Variants in ARFGEF3 observed in about 807,000 individuals in gnomAD.
The protein encoded by ARFGEF3 is brefeldin A-inhibited guanine nucleotide-exchange protein 3.
A neutral mutation model predicts 221.7 loss-of-function variants in ARFGEF3; 96 were observed. The observed-to-expected ratio is 0.43, with a 90% CI of 0.37 to 0.51. The LOEUF (loss-of-function observed/expected upper bound fraction) is 0.51. Ranked by LOEUF, ARFGEF3 falls within the 20% of genes least tolerant of loss-of-function variation. The pLI is 0.00. For missense variants in ARFGEF3, 2,410 were observed against 2,789.9 expected (o/e 0.86, Z 3.07); for synonymous variants, 1,145 against 1,126.8 (o/e 1.02, Z -0.32).
chr6:138,302,776 T>C (rs1198511685), intron 22 of ARFGEF3, among the ~76,000 whole-genome samples: 2 of 152,172 alleles, frequency 1.3e-5, no homozygotes, highest in Non-Finnish European at 2.9e-5. Context: ...AAACTGTCAA[T>C]GGATAATCCT....
intron 12 of ARFGEF3, among the ~76,000 whole-genome samples, chr6:138,274,452 A>G (rs1164199583): frequency 6.6e-6 from 1 of 152,178 alleles, no homozygotes; most frequent in Non-Finnish European, 1.5e-5. Flanking sequence ...CTCATGTTCT[A>G]ACCAAGGATG....
In ARFGEF3 at chr6:138,192,472, G is replaced by A. The variant is rs377334765; in HGVS notation, c.138-14570G>A. 3.3e-5 allele frequency among the ~76,000 whole-genome samples: 5 copies of A among 150,928 alleles called. No individual in the cohort carries two copies. The East Asian group carries it at 5.9e-4, about 18-fold the overall frequency. ...ATTGCACTCCAGCCTGGGCAACAGA[G>A]CAAAAACTCTGTCTCAAAAAAAAAC... On this transcript the variant is annotated intron_variant, in intron 2 of 33. Coordinates refer to ENST00000251691, the MANE Select transcript of ARFGEF3 (RefSeq NM_020340.5).
In ARFGEF3 at chr6:138,336,849, T is replaced by C. The variant is rs1266855430; in HGVS notation, c.*363T>C. 6.3e-6 allele frequency: 1 copy of C among 158,150 alleles called. No individual in the cohort carries two copies. Among genetic ancestry groups the C allele is most frequent in the Non-Finnish European group, 1.4e-5 (1 of 72,212 alleles). The allele number at this position is 158,150 out of a possible 1,614,324, so 9.8% of individuals were successfully genotyped here. A position where few individuals can be genotyped will look rare whatever the true frequency, so the allele number is the denominator to read the frequency against. ...GAAAACACTATATTGATCCATTTGA[T>C]CCATCATTTAAAAAATAAATACAAT... On this transcript the variant is annotated 3_prime_UTR_variant, in exon 34 of 34. Coordinates refer to ENST00000251691, the MANE Select transcript of ARFGEF3 (RefSeq NM_020340.5).
chr6:138,270,427 GAC>G (rs3044804), intron 12 of ARFGEF3, among the ~76,000 whole-genome samples: 34,657 of 139,248 alleles, frequency 0.25, 4,347 homozygotes, highest in South Asian at 0.4. Context: ...ATTTTACGTA[GAC>G]ACACACACAC....
At chr6:138,265,781 G>A (rs1486369059) in intron 12 of ARFGEF3, among the ~76,000 whole-genome samples, 5 of 152,122 alleles carry the variant, frequency 3.3e-5, no homozygotes, top group African/African-American at 1.2e-4. Flanking sequence ...AATTGATGAA[G>A]TTGTACTTCG....
At chr6:138,189,971 GTACC>G (rs1777264875) in intron 2 of ARFGEF3, among the ~76,000 whole-genome samples, 1 of 151,542 alleles carries the variant, frequency 6.6e-6, no homozygotes, top group South Asian at 2.1e-4. Flanking sequence ...GTAGTCTCAG[GTACC>G]TGGGAGACTG....
chr6:138,203,179 T>C (rs563520366), intron 2 of ARFGEF3, among the ~76,000 whole-genome samples: 1 of 151,118 alleles, frequency 6.6e-6, no homozygotes, highest in African/African-American at 2.5e-5. Context: ...TGTGTGTGTT[T>C]AAGAACTAAA....
intron 32 of ARFGEF3, among the ~76,000 whole-genome samples, chr6:138,333,065 C>T (rs1019781351): frequency 5.3e-5 from 8 of 152,298 alleles, no homozygotes; most frequent in Non-Finnish European, 8.8e-5. Flanking sequence ...TATAATTATC[C>T]AGTTTGGGGC....
intron 8 of ARFGEF3, among the ~76,000 whole-genome samples, chr6:138,250,793 A>G (rs763587222): frequency 5.9e-5 from 9 of 152,224 alleles, no homozygotes; most frequent in Admixed American, 1.3e-4. Context: ...AAGCCTGCCA[A>G]CCATGAAATG....
intron 1 of ARFGEF3, among the ~76,000 whole-genome samples, chr6:138,167,328 G>T (rs907588117): frequency 6.6e-6 from 1 of 152,214 alleles, no homozygotes; most frequent in African/African-American, 2.4e-5. Flanking sequence ...TTCTGAGAAT[G>T]TGATGCCCGT....
intron 23 of ARFGEF3, 114 bp from the exon 24 acceptor site, chr6:138,308,625 A>G (rs1296264969): frequency 8.6e-7 from 1 of 1,160,750 alleles, no homozygotes; most frequent in Non-Finnish European, 1.3e-6. Context: ...GCATCTCCCC[A>G]GTAGATCTTT....
chr6:138,220,305 T>C (rs1777959746), intron 4 of ARFGEF3, among the ~76,000 whole-genome samples: 1 of 152,238 alleles, frequency 6.6e-6, no homozygotes. Context: ...AGCCAACCTA[T>C]TTCTTGCTTT....
chr6:138,267,079 T>A (rs75524347), intron 12 of ARFGEF3, among the ~76,000 whole-genome samples: 7,095 of 152,180 alleles, frequency 0.047, 226 homozygotes, highest in South Asian at 0.068. Flanking sequence ...AGAATAGCTG[T>A]GTATTAGAGT....
At chr6:138,272,044 G>T (rs1425990404) in intron 12 of ARFGEF3, among the ~76,000 whole-genome samples, 1 of 152,174 alleles carries the variant, frequency 6.6e-6, no homozygotes, top group African/African-American at 2.4e-5. Context: ...TGATAGACTT[G>T]AAAATACCAG....
intron 2 of ARFGEF3, among the ~76,000 whole-genome samples, chr6:138,176,128 T>A (rs1368093489): frequency 6.6e-6 from 1 of 152,184 alleles, no homozygotes; most frequent in African/African-American, 2.4e-5. Flanking sequence ...AGTCTACACA[T>A]GTCTCTACAA....
intron 31 of ARFGEF3, among the ~76,000 whole-genome samples, chr6:138,325,883 C>T (rs145236361): frequency 1.2e-4 from 18 of 152,162 alleles, no homozygotes; most frequent in African/African-American, 3.4e-4. Flanking sequence ...TTTTTTGAGA[C>T]TTGCTCTATC....
In ARFGEF3 at chr6:138,262,812, G is replaced by C. The variant is rs267600841; in HGVS notation, c.1329G>C (p.Gly443=). ...LLGALDELSQ[G]KGLSEGQVQL... is the part of the protein sequence containing the mutation. ...GTGCCCTGGATGAGCTCAGCCAGGGGAAGGGCTTGAGCGAAGGTCAGGTGC... is the reference window on the plus strand; with the variant it reads ...GTGCCCTGGATGAGCTCAGCCAGGGCAAGGGCTTGAGCGAAGGTCAGGTGC... Residue 443 remains glycine, a synonymous_variant, in exon 12 of 34, where the codon GGG becomes GGC. Coordinates refer to ENST00000251691, the MANE Select transcript of ARFGEF3 (RefSeq NM_020340.5). 2.5e-6 allele frequency: 4 copies of C among 1,614,054 alleles called. No homozygotes were observed. Among genetic ancestry groups the C allele is most frequent in the Non-Finnish European group, 2.5e-6 (3 of 1,179,906 alleles).
Position 138,182,340 on chromosome 6 carries a change from C to T in ARFGEF3, c.137+11627C>T, listed in dbSNP as rs77553113. ...CAATTAAATTTTGTGCAGTAAATCA[C>T]TTGATGAAGCACCATTGTTGAAAAA... On this transcript the variant is annotated intron_variant, in intron 2 of 33. Coordinates refer to ENST00000251691, the MANE Select transcript of ARFGEF3 (RefSeq NM_020340.5). 2.2e-3 allele frequency among the ~76,000 whole-genome samples: 338 copies of T among 152,274 alleles called. 1 individual carries two copies. The highest frequency in any genetic ancestry group is 7.6e-3 in the African/African-American group (317 of 41,540).
intron 26 of ARFGEF3, among the ~76,000 whole-genome samples, chr6:138,314,821 G>A (rs1468419827): frequency 3.3e-5 from 5 of 152,178 alleles, no homozygotes; most frequent in Admixed American, 2.6e-4. Context: ...TATTCAAACC[G>A]TAGCATAGAT....
Sources: allele counts gnomAD v4.1 joint callset (sites outside exome capture counted in the v4.1 genomes callset), GRCh38; gene constraint gnomAD v4.1.1; transcripts MANE v1.5; gene names NCBI Gene and HGNC (gene_info 2026-07-23, HGNC 2026-07-21).